Variants in STPG4 observed in about 807,000 individuals in gnomAD.
STPG4 encodes sperm-tail PG-rich repeat containing 4.
In STPG4, 41 loss-of-function variants were observed where a neutral mutation model predicts 31.5. The observed-to-expected ratio is 1.30, with a 90% CI of 1.01 to 1.69. STPG4 has a LOEUF of 1.69. STPG4 is among the 40% of genes most tolerant of loss of function. The pLI is 0.00. For missense variants in STPG4, 375 were observed against 293.4 expected, an observed-to-expected ratio of 1.28 and a Z score of -2.03; for synonymous variants, 141 against 103.0, an observed-to-expected ratio of 1.37 and a Z score of -2.24.
intron 3 of STPG4, among the ~76,000 whole-genome samples, chr2:47,133,019 G>A (rs1253412478): frequency 3.3e-5 from 5 of 152,092 alleles, no homozygotes; most frequent in East Asian, 1.9e-4. Context: ...TAATTGAAAG[G>A]GGGCTTTTTT....
chr2:47,089,507 G>C (rs1218797131), intron 6 of STPG4, among the ~76,000 whole-genome samples: 1 of 152,050 alleles, frequency 6.6e-6, no homozygotes, highest in Non-Finnish European at 1.5e-5. Flanking sequence ...CCCCTGGGTG[G>C]GCCCATTTTC....
intron 5 of STPG4, among the ~76,000 whole-genome samples, chr2:47,100,644 C>T (rs955883087): frequency 3.8e-4 from 58 of 151,748 alleles, no homozygotes; most frequent in African/African-American, 1.4e-3. Flanking sequence ...ACTGCTCACT[C>T]TTTGGGTCCA....
chr2:47,155,088 T>C, intron 1 of STPG4, 83 bp downstream of exon 1: 1 of 1,355,700 alleles, frequency 7.4e-7, no homozygotes, highest in Non-Finnish European at 1.1e-6. Context: ...CACGAAGGCC[T>C]GGGATTAGAG....
At chr2:47,136,338 G>A (rs897062751) in intron 3 of STPG4, among the ~76,000 whole-genome samples, 17 of 151,952 alleles carry the variant, frequency 1.1e-4, no homozygotes, top group African/African-American at 3.9e-4. Flanking sequence ...AGTAGAGACG[G>A]GGTTTCACTA....
intron 5 of STPG4, among the ~76,000 whole-genome samples, chr2:47,122,423 A>G (rs946827848): frequency 6.6e-6 from 1 of 152,136 alleles, no homozygotes; most frequent in Non-Finnish European, 1.5e-5. Flanking sequence ...CCTTAGATAT[A>G]TACTAATATA....
At chr2:47,135,448 G>T (rs1404825491) in intron 3 of STPG4, among the ~76,000 whole-genome samples, 1 of 152,142 alleles carries the variant, frequency 6.6e-6, no homozygotes, top group Non-Finnish European at 1.5e-5. Flanking sequence ...GTGCAGTGGG[G>T]TAATTTCAGC....
At chr2:47,123,891 G>C (rs1041399671) in intron 5 of STPG4, among the ~76,000 whole-genome samples, 1 of 152,084 alleles carries the variant, frequency 6.6e-6, no homozygotes, top group Non-Finnish European at 1.5e-5. Flanking sequence ...AATAGTAACA[G>C]CAGGATAAAT....
chr2:47,108,989 G>T (rs954905861), intron 5 of STPG4, among the ~76,000 whole-genome samples: 5 of 152,192 alleles, frequency 3.3e-5, no homozygotes, highest in African/African-American at 1.2e-4. Flanking sequence ...ACGTGCCAAG[G>T]TTATAGGCAC....
chr2:47,138,631 C>A (rs926667281), intron 3 of STPG4, among the ~76,000 whole-genome samples: 1 of 152,116 alleles, frequency 6.6e-6, no homozygotes, highest in African/African-American at 2.4e-5. Context: ...CTCACTGCAA[C>A]CTCTGACTCC....
intron 5 of STPG4, among the ~76,000 whole-genome samples, chr2:47,096,756 C>T (rs1322060786): frequency 6.6e-6 from 1 of 152,194 alleles, no homozygotes; most frequent in Non-Finnish European, 1.5e-5. Context: ...ATGTTAAAGA[C>T]ATTTCGTCTA....
chr2:47,107,809 C>T (rs1034979823), intron 5 of STPG4, among the ~76,000 whole-genome samples: 2 of 144,544 alleles, frequency 1.4e-5, no homozygotes, highest in Admixed American at 6.7e-5. Context: ...CCAATCAGCA[C>T]TCTATCTAGC....
chr2:47,108,764 G>A (rs768703724), intron 5 of STPG4: 1 of 152,402 alleles, frequency 6.6e-6, no homozygotes, highest in African/African-American at 2.4e-5. Flanking sequence ...ACATAGAGAT[G>A]GGTAGGGGAC....
At chr2:47,103,008 G>C (rs190544666) in intron 5 of STPG4, among the ~76,000 whole-genome samples, 1 of 151,862 alleles carries the variant, frequency 6.6e-6, no homozygotes, top group African/African-American at 2.4e-5. Context: ...GCTGCAGCCC[G>C]AGAGTTTGGA....
At chr2:47,105,001 G>A (rs938358025) in intron 5 of STPG4, among the ~76,000 whole-genome samples, 5 of 151,926 alleles carry the variant, frequency 3.3e-5, no homozygotes, top group Non-Finnish European at 1.5e-5. Flanking sequence ...CGGATACAGT[G>A]AGATAGCCAG....
intron 3 of STPG4, among the ~76,000 whole-genome samples, chr2:47,146,106 TGACAGGGAGTAGTAA>T (rs912726903): frequency 6.6e-6 from 1 of 151,640 alleles, no homozygotes; most frequent in Non-Finnish European, 1.5e-5. Context: ...AGGAAGAGAG[TGACAGGGAGTAGTAA>T]GACAAAGTCA....
chr2:47,136,908 T>C (rs116265123), intron 3 of STPG4, among the ~76,000 whole-genome samples: 2,477 of 152,364 alleles, frequency 0.016, 68 homozygotes, highest in African/African-American at 0.057. Context: ...TTGGATTTTC[T>C]ACATAGGCAA....
chr2:47,105,630 T>A (rs745568531), intron 5 of STPG4, among the ~76,000 whole-genome samples: 1 of 152,024 alleles, frequency 6.6e-6, no homozygotes, highest in African/African-American at 2.4e-5. Flanking sequence ...TATATACTGA[T>A]GGAAGTTCAT....
At chr2:47,150,649 ATTT>A (rs58432759) in intron 3 of STPG4, among the ~76,000 whole-genome samples, 2 of 144,180 alleles carry the variant, frequency 1.4e-5, no homozygotes, top group Middle Eastern at 3.3e-3. Flanking sequence ...CCAAGTAGCT[ATTT>A]TTTTTTTTTT....
intron 5 of STPG4, among the ~76,000 whole-genome samples, chr2:47,098,989 T>G (rs1359366683): frequency 3.3e-5 from 5 of 152,186 alleles, no homozygotes; most frequent in Admixed American, 1.3e-4. Context: ...CAAAAGTTAT[T>G]CACATTTGCA....
Sources: gnomAD v4.1 joint callset for allele counts (sites outside exome capture counted in the v4.1 genomes callset) on GRCh38, gnomAD v4.1.1 for gene constraint, MANE v1.5 for transcripts, NCBI Gene and HGNC (gene_info 2026-07-23, HGNC 2026-07-21) for gene names.